The following FBXL17 variants were observed in gnomAD, a reference collection of about 807,000 sequenced individuals.
FBXL17 encodes the protein F-box/LRR-repeat protein 17.
Under a neutral mutation model 66.2 loss-of-function variants are expected in FBXL17, and 22 were observed. That is an observed-to-expected ratio of 0.33 (90% CI 0.24 to 0.47). The LOEUF is 0.47. FBXL17 is among the 20% of genes least tolerant of loss of function. The pLI, the probability that FBXL17 is intolerant of heterozygous loss-of-function variation, is 1.00. For synonymous variants in FBXL17, 474 were observed against 400.5 expected (o/e 1.18, Z -2.19); for missense variants, 878 against 948.2 (o/e 0.93, Z 0.97).
At position 107,881,148 on chromosome 5, in the gene FBXL17, T is replaced by A. The variant is rs1400737730; in HGVS notation, c.1854A>T (p.Thr618=). ...ACCATCCGACATCCACAGTCTCTAT[T>A]GTCATGCTGTATCGCCCAATGGCTA... The part of the protein sequence containing the change: ...ALIAIGRYSM[T]IETVDVGWCK... Residue 618 remains threonine (T), a synonymous_variant, in exon 8 of 9, where the codon ACA becomes ACT. Transcript: ENST00000542267. 8 of 1,612,696 alleles carry A rather than the reference T, an allele frequency of 5.0e-6. No homozygotes were observed. The highest frequency in any genetic ancestry group is 6.8e-6 in the Non-Finnish European group (8 of 1,179,198).
At chr5:107,976,007 C>T (rs1029835048) in intron 7 of FBXL17, among the ~76,000 whole-genome samples, 3 of 151,704 alleles carry the variant, frequency 2.0e-5, no homozygotes, top group African/African-American at 7.3e-5. Flanking sequence ...TACAGGCAAG[C>T]GCCACCATGC....
At chr5:107,926,646 C>T (rs1315268250) in intron 7 of FBXL17, among the ~76,000 whole-genome samples, 2 of 151,416 alleles carry the variant, frequency 1.3e-5, no homozygotes, top group East Asian at 1.9e-4. Flanking sequence ...GAATAATTAG[C>T]TAGCCTATGA....
chr5:107,891,763 C>A (rs1006786093), intron 7 of FBXL17, among the ~76,000 whole-genome samples: 8 of 152,136 alleles, frequency 5.3e-5, no homozygotes, highest in African/African-American at 1.9e-4. Context: ...TAGGAATACA[C>A]TGATTTCTTC....
rs145747406 is a variant in FBXL17 at position 108,093,711 on chromosome 5, G to A, written c.1746-72710C>T. Among the ~76,000 whole-genome samples the A allele has an allele frequency of 2.9e-3, 444 of 152,166 alleles. 2 individuals carry two copies. Among genetic ancestry groups the A allele is most frequent in the African/African-American group, 9.7e-3 (404 of 41,538 alleles). The stretch of plus-strand genomic sequence containing the variant: ...GCATTTATATCGGCAAAGATTATAC[G>A]CAGACCTCAGAATTAAGTGGGTAGG... On this transcript the variant is annotated intron_variant, in intron 6 of 8. Coordinates refer to ENST00000542267, the MANE Select transcript of FBXL17 (RefSeq NM_001163315.3).
At chr5:108,263,402 A>G (rs1484281404) in intron 4 of FBXL17, among the ~76,000 whole-genome samples, 3 of 152,372 alleles carry the variant, frequency 2.0e-5, no homozygotes, top group Admixed American at 6.5e-5. Flanking sequence ...CTGCAGTACA[A>G]GGGAATTCAG....
At chr5:108,072,995 C>T (rs289253) in intron 6 of FBXL17, among the ~76,000 whole-genome samples, 3,213 of 152,082 alleles carry the variant, frequency 0.021, 114 homozygotes, top group African/African-American at 0.073. Context: ...TTTTGATAGC[C>T]TTTTAAAATT....
chr5:108,039,267 A>G (rs1013493371), intron 6 of FBXL17, among the ~76,000 whole-genome samples: 1 of 152,054 alleles, frequency 6.6e-6, no homozygotes, highest in African/African-American at 2.4e-5. Context: ...TTAAAGCAGT[A>G]TAAATTGAGG....
intron 7 of FBXL17, among the ~76,000 whole-genome samples, chr5:107,904,342 A>T (rs1749678060): frequency 6.6e-6 from 1 of 151,802 alleles, no homozygotes; most frequent in Non-Finnish European, 1.5e-5. Context: ...CTCCTAAATA[A>T]CTCTACCATC....
chr5:107,964,884 C>T (rs1184279699), intron 7 of FBXL17, among the ~76,000 whole-genome samples: 1 of 152,062 alleles, frequency 6.6e-6, no homozygotes, highest in Non-Finnish European at 1.5e-5. Context: ...GTAGAGGCTT[C>T]CCTATTCTGC....
intron 7 of FBXL17, among the ~76,000 whole-genome samples, chr5:107,911,321 G>A (rs1019903481): frequency 3.3e-5 from 5 of 152,060 alleles, no homozygotes; most frequent in African/African-American, 1.2e-4. Context: ...CATGTTTCGT[G>A]TATTAAAATA....
intron 4 of FBXL17, among the ~76,000 whole-genome samples, chr5:108,256,224 C>T (rs757861240): frequency 1.3e-5 from 2 of 152,138 alleles, no homozygotes; most frequent in East Asian, 1.9e-4. Context: ...ATGCCTAGCA[C>T]ATTGCAGACA....
chr5:107,990,421 T>C (rs2112690918), intron 7 of FBXL17, among the ~76,000 whole-genome samples: 1 of 152,336 alleles, frequency 6.6e-6, no homozygotes, highest in African/African-American at 2.4e-5. Context: ...TATCATTTGA[T>C]TATTAAGTGA....
At chr5:108,082,297 A>G (rs1490344307) in intron 6 of FBXL17, among the ~76,000 whole-genome samples, 1 of 152,126 alleles carries the variant, frequency 6.6e-6, no homozygotes, top group Non-Finnish European at 1.5e-5. Flanking sequence ...CCTGGGTTTA[A>G]ATCTCAGCTA....
intron 7 of FBXL17, among the ~76,000 whole-genome samples, chr5:107,922,335 G>A (rs925920656): frequency 1.3e-5 from 2 of 152,016 alleles, no homozygotes; most frequent in Non-Finnish European, 2.9e-5. Context: ...TAAAAATACT[G>A]CTCCCTTCAA....
At position 107,905,247 on chromosome 5, in the gene FBXL17, T is replaced by C. The variant is rs1478455398; in HGVS notation, c.1823-24068A>G. ...TATATACATAAAAACAGTTTGTAAC[T>C]AATCATTAACACAAAACCAATTCCT... On this transcript the variant is annotated intron_variant, in intron 7 of 8. Coordinates refer to ENST00000542267, the MANE Select transcript of FBXL17 (RefSeq NM_001163315.3). 2.0e-5 allele frequency among the ~76,000 whole-genome samples: 3 copies of C among 152,246 alleles called. No individual in the cohort carries two copies. The East Asian group carries it at 5.8e-4, about 29-fold the overall frequency.
intron 6 of FBXL17, among the ~76,000 whole-genome samples, chr5:108,164,498 C>T (rs1329593935): frequency 2.0e-5 from 3 of 152,122 alleles, no homozygotes; most frequent in Non-Finnish European, 4.4e-5. Flanking sequence ...CAGTATATGG[C>T]AGGTATTTTT....
intron 7 of FBXL17, among the ~76,000 whole-genome samples, chr5:107,976,003 C>T (rs1409346016): frequency 6.6e-6 from 1 of 151,848 alleles, no homozygotes; most frequent in Admixed American, 6.6e-5. Context: ...GGACTACAGG[C>T]AAGCGCCACC....
chr5:107,881,441 T>C (rs568126046), intron 7 of FBXL17, among the ~76,000 whole-genome samples: 1 of 152,246 alleles, frequency 6.6e-6, no homozygotes, highest in Non-Finnish European at 1.5e-5. Flanking sequence ...CAAGGTTACC[T>C]GTACTTTCAA....
intron 7 of FBXL17, among the ~76,000 whole-genome samples, chr5:107,915,066 T>C (rs560425453): frequency 1.3e-5 from 2 of 152,292 alleles, no homozygotes; most frequent in South Asian, 4.1e-4. Flanking sequence ...AAACTATCTT[T>C]TGTATAAAGA....
Sources: allele counts gnomAD v4.1 joint callset (sites outside exome capture counted in the v4.1 genomes callset), GRCh38; gene constraint gnomAD v4.1.1; transcripts MANE v1.5; gene names NCBI Gene and HGNC (gene_info 2026-07-23, HGNC 2026-07-21).